ADAMTS14: variants seen among roughly 807,000 people sequenced by gnomAD.
ADAMTS14 encodes A disintegrin and metalloproteinase with thrombospondin motifs 14.
Under a neutral mutation model 128.6 loss-of-function variants are expected in ADAMTS14, and 100 were observed. That is an observed-to-expected ratio of 0.78 (90% CI 0.66 to 0.92). ADAMTS14 has a LOEUF of 0.92. ADAMTS14 is among the 40% of genes least tolerant of loss of function. The pLI, the probability that ADAMTS14 is intolerant of heterozygous loss-of-function variation, is 0.00. For missense variants in ADAMTS14, 1,562 were observed against 1,658.6 expected (o/e 0.94, Z 1.01); for synonymous variants, 665 against 653.8 (o/e 1.02, Z -0.26).
intron 19 of ADAMTS14, 93 bp from the exon 20 acceptor site, chr10:70,757,869 A>T: frequency 6.7e-7 from 1 of 1,496,076 alleles, no homozygotes. Flanking sequence ...GTCCCCGGGC[A>T]CTGGCTGGGC....
intron 4 of ADAMTS14, among the ~76,000 whole-genome samples, chr10:70,715,910 A>G (rs1841023015): frequency 6.6e-6 from 1 of 152,136 alleles, no homozygotes; most frequent in East Asian, 1.9e-4. Context: ...CTGCCCACTT[A>G]TCCTTCTCTG....
intron 7 of ADAMTS14, among the ~76,000 whole-genome samples, 161 bp downstream of exon 7, chr10:70,732,520 C>A (rs1841679646): frequency 6.6e-6 from 1 of 152,226 alleles, no homozygotes; most frequent in African/African-American, 2.4e-5. Context: ...CTGCAGTTAC[C>A]AGTAGAGGGA....
At position 70,753,923 on chromosome 10, in the gene ADAMTS14, C is replaced by G. The variant is rs979219380; in HGVS notation, c.2853C>G (p.Ala951=). 5.0e-6 allele frequency: 8 copies of G among 1,591,348 alleles called. No homozygotes were observed. The African/African-American group carries it at 1.1e-4, about 21-fold the overall frequency. Residue 951 remains alanine (A), a synonymous_variant, in exon 19 of 22, where the codon GCC becomes GCG. Transcript: ENST00000373207. ...NGTHKVMPAK[A]CAGDRPEARR... is the part of the protein sequence containing the mutation. ...CCCACAAGGTCATGCCGGCCAAAGC[C>G]TGCGCCGGGGACCGGCCTGAGGCCC...
intron 19 of ADAMTS14, among the ~76,000 whole-genome samples, chr10:70,756,429 G>A (rs1427383985): frequency 6.6e-6 from 1 of 152,194 alleles, no homozygotes; most frequent in Non-Finnish European, 1.5e-5. Context: ...AAGTAACAGA[G>A]AGATGGCAGA....
In ADAMTS14 at chr10:70,714,746, G is replaced by A. The variant is rs532121785; in HGVS notation, c.870+5968G>A. 1.5e-3 allele frequency among the ~76,000 whole-genome samples: 227 copies of A among 152,102 alleles called. 1 individual carries two copies. The highest frequency in any genetic ancestry group is 5.2e-3 in the African/African-American group (215 of 41,480). ...GTGTATCACCTAAGGTCAGGAGTTTGAGACCAGCCTGACCAATATGGCGAA... is the reference window on the plus strand; with the variant it reads ...GTGTATCACCTAAGGTCAGGAGTTTAAGACCAGCCTGACCAATATGGCGAA... On this transcript the variant is annotated intron_variant, in intron 4 of 21. Coordinates refer to ENST00000373207, the MANE Select transcript of ADAMTS14 (RefSeq NM_080722.4).
At position 70,743,683 on chromosome 10, in the gene ADAMTS14, T is replaced by C; in HGVS notation, c.2058+2T>C. ...GTCTGTGCGCGTGGCGAGTGTGTGG[T>C]GGGTGCACCCCCAGCCACCCCGACT... On this transcript the variant is annotated splice_donor_variant, in intron 13 of 21. Coordinates refer to ENST00000373207, the MANE Select transcript of ADAMTS14 (RefSeq NM_080722.4). LOFTEE classifies it high-confidence loss of function. 6.3e-7 allele frequency: 1 copy of C among 1,584,436 alleles called. No homozygotes were observed.
intron 8 of ADAMTS14, among the ~76,000 whole-genome samples, chr10:70,734,642 G>C (rs1467922786): frequency 6.6e-6 from 1 of 152,204 alleles, no homozygotes; most frequent in African/African-American, 2.4e-5. Flanking sequence ...TTCAGGTACA[G>C]AGCAAGTGTT....
intron 2 of ADAMTS14, among the ~76,000 whole-genome samples, chr10:70,700,188 A>C (rs1210569119): frequency 6.6e-6 from 1 of 151,984 alleles, no homozygotes; most frequent in Non-Finnish European, 1.5e-5. Flanking sequence ...ACAGTGGCAG[A>C]GGCTCTTGGA....
chr10:70,709,455 A>T (rs895589256), intron 4 of ADAMTS14, among the ~76,000 whole-genome samples: 2 of 144,772 alleles, frequency 1.4e-5, no homozygotes, highest in Non-Finnish European at 3.0e-5. Flanking sequence ...AAATTTCATT[A>T]TGGAAAATTT....
chr10:70,745,164 C>T (rs10999505), intron 14 of ADAMTS14, 62 bp from the exon 15 acceptor site: 411,838 of 1,521,756 alleles, frequency 0.27, 58,877 homozygotes, highest in Non-Finnish European at 0.3. Context: ...GAGTGGGGGA[C>T]GCTGGGCAGT....
At chr10:70,754,120 A>G in intron 19 of ADAMTS14, 113 bp downstream of exon 19, 2 of 1,078,892 alleles carry the variant, frequency 1.9e-6, no homozygotes, top group Non-Finnish European at 2.6e-6. Flanking sequence ...CCCCTACATC[A>G]AATTTTGTTT....
chr10:70,674,121 T>C (rs826466), intron 1 of ADAMTS14, among the ~76,000 whole-genome samples: 148,141 of 152,220 alleles, frequency 0.97, 72,126 homozygotes, highest in Middle Eastern at 0.99. Flanking sequence ...TTCTTGGAAG[T>C]TTGGGGAGGA....
At chr10:70,732,483 G>C in intron 7 of ADAMTS14, 124 bp downstream of exon 7, 1 of 861,428 alleles carries the variant, frequency 1.2e-6, no homozygotes, top group Non-Finnish European at 1.8e-6. Context: ...TGTCAGAGGA[G>C]CTGGACTGCC....
At chr10:70,685,882 G>A (rs185908842) in intron 2 of ADAMTS14, among the ~76,000 whole-genome samples, 4 of 152,292 alleles carry the variant, frequency 2.6e-5, no homozygotes, top group Admixed American at 1.3e-4. Flanking sequence ...CTATGAGGGG[G>A]AGGGCTGCTT....
At chr10:70,756,976 G>A (rs1842491111) in intron 19 of ADAMTS14, among the ~76,000 whole-genome samples, 1 of 152,056 alleles carries the variant, frequency 6.6e-6, no homozygotes, top group African/African-American at 2.4e-5. Flanking sequence ...TTCATCCTGG[G>A]AGGATATGCC....
intron 4 of ADAMTS14, among the ~76,000 whole-genome samples, chr10:70,709,382 C>T (rs12219339): frequency 0.35 from 52,546 of 151,476 alleles, 9,655 homozygotes; most frequent in East Asian, 0.63. Context: ...ACAGGACTCT[C>T]GTCACAGAAA....
At chr10:70,744,814 C>T (rs540960540) in intron 14 of ADAMTS14, among the ~76,000 whole-genome samples, 7 of 152,172 alleles carry the variant, frequency 4.6e-5, no homozygotes, top group Admixed American at 2.6e-4. Flanking sequence ...AGGGCCAGGG[C>T]GGCTCAGGAC....
In ADAMTS14 at chr10:70,751,500, GC is replaced by G; in HGVS notation, c.2455del (p.Arg819AlafsTer94). On this transcript the variant is annotated frameshift_variant, in exon 17 of 22. Coordinates refer to ENST00000373207, the MANE Select transcript of ADAMTS14 (RefSeq NM_080722.4). ...CAGGCTCTCCCCCCAACTGAGGGTG[GC>G]CCCCGCAGCAGCCTGGCCTACAAGT... ...AILALPPTEG[G>X]PRSSLAYKYV... 6.2e-7 allele frequency: 1 copy of G among 1,607,258 alleles called. No homozygotes were observed. Among genetic ancestry groups the G allele is most frequent in the Non-Finnish European group, 8.5e-7 (1 of 1,174,454 alleles).
At chr10:70,684,888 C>T (rs552912606) in intron 2 of ADAMTS14, among the ~76,000 whole-genome samples, 1 of 152,270 alleles carries the variant, frequency 6.6e-6, no homozygotes, top group East Asian at 1.9e-4. Flanking sequence ...TTTTCCAGTC[C>T]TCCAGCCAGT....
Sources: gnomAD v4.1 joint callset for allele counts (sites outside exome capture counted in the v4.1 genomes callset) on GRCh38, gnomAD v4.1.1 for gene constraint, MANE v1.5 for transcripts, NCBI Gene and HGNC (gene_info 2026-07-23, HGNC 2026-07-21) for gene names.